MEGF11: variants seen among roughly 807,000 people sequenced by gnomAD.
MEGF11 encodes multiple epidermal growth factor-like domains protein 11.
Under a neutral mutation model 146.6 loss-of-function variants are expected in MEGF11, and 126 were observed. That is an observed-to-expected ratio of 0.86 (90% CI 0.74 to 1.00). The LOEUF is 1.00. Ranked by LOEUF, MEGF11 falls within the 50% of genes least tolerant of loss-of-function variation. MEGF11 has a pLI of 0.00. For missense variants in MEGF11, 1,509 were observed against 1,521.2 expected, an observed-to-expected ratio of 0.99 and a Z score of 0.13; for synonymous variants, 532 against 583.4, an observed-to-expected ratio of 0.91 and a Z score of 1.27.
intron 10 of MEGF11, among the ~76,000 whole-genome samples, chr15:65,934,334 C>G (rs975754629): frequency 1.2e-4 from 19 of 152,326 alleles, no homozygotes; most frequent in African/African-American, 4.6e-4. Flanking sequence ...TCACTGCAAC[C>G]TCCACCTCCC....
intron 5 of MEGF11, among the ~76,000 whole-genome samples, chr15:66,035,784 G>A (rs1416850916): frequency 6.6e-6 from 1 of 152,206 alleles, no homozygotes; most frequent in African/African-American, 2.4e-5. Flanking sequence ...GAGGTAACCA[G>A]CATCCTGGAT....
At chr15:65,993,763 T>C (rs754794249) in intron 5 of MEGF11, among the ~76,000 whole-genome samples, 7 of 152,144 alleles carry the variant, frequency 4.6e-5, no homozygotes, top group Admixed American at 6.6e-5. Flanking sequence ...GCACTGGAAG[T>C]TGTGGGGTCC....
chr15:66,053,234 T>A (rs1364211694), intron 5 of MEGF11, among the ~76,000 whole-genome samples: 1 of 152,232 alleles, frequency 6.6e-6, no homozygotes, highest in Non-Finnish European at 1.5e-5. Flanking sequence ...ATTTTTCATA[T>A]CCTTTGTGTT....
intron 24 of MEGF11, among the ~76,000 whole-genome samples, chr15:65,901,342 T>A (rs954499520): frequency 2.6e-5 from 4 of 151,144 alleles, no homozygotes; most frequent in African/African-American, 4.9e-5. Context: ...TCTAACGTGA[T>A]GAATAACCAC....
chr15:65,916,047 G>A (rs2078986084), intron 18 of MEGF11, 101 bp downstream of exon 18: 1 of 1,397,858 alleles, frequency 7.2e-7, no homozygotes, highest in South Asian at 1.5e-5. Context: ...GGACCAAGGG[G>A]TACAGAGCCC....
chr15:65,960,459 G>T (rs1008543034), intron 9 of MEGF11, among the ~76,000 whole-genome samples: 3 of 152,216 alleles, frequency 2.0e-5, no homozygotes, highest in Non-Finnish European at 2.9e-5. Context: ...GTGCCCCTTG[G>T]TGGCCCTGAC....
intron 5 of MEGF11, among the ~76,000 whole-genome samples, chr15:66,093,789 T>G (rs906268611): frequency 6.6e-6 from 1 of 152,080 alleles, no homozygotes; most frequent in African/African-American, 2.4e-5. Flanking sequence ...CAATGCACCA[T>G]GCCACTGTGG....
chr15:66,202,694 T>C (rs1248301818), intron 1 of MEGF11, among the ~76,000 whole-genome samples: 1 of 152,226 alleles, frequency 6.6e-6, no homozygotes, highest in East Asian at 1.9e-4. Flanking sequence ...GAAACTTCCT[T>C]CGGGCCTCTG....
At chr15:66,141,279 T>TGAGAGA (rs1464004454) in intron 1 of MEGF11, among the ~76,000 whole-genome samples, 2 of 118,822 alleles carry the variant, frequency 1.7e-5, no homozygotes. Flanking sequence ...TGTGTGTGTG[T>TGAGAGA]GTGTGTGTGT....
intron 10 of MEGF11, among the ~76,000 whole-genome samples, chr15:65,949,431 G>A (rs549222884): frequency 6.6e-6 from 1 of 152,324 alleles, no homozygotes; most frequent in Admixed American, 6.5e-5. Context: ...GTGATGGAGT[G>A]CCTGCTCCCC....
At chr15:65,942,136 G>T (rs59177152) in intron 10 of MEGF11, among the ~76,000 whole-genome samples, 2 of 152,238 alleles carry the variant, frequency 1.3e-5, no homozygotes, top group South Asian at 2.1e-4. Flanking sequence ...GAAAGGGAAG[G>T]GGCAACTGAT....
chr15:66,187,592 T>C (rs1052087546), intron 1 of MEGF11, among the ~76,000 whole-genome samples: 2 of 152,224 alleles, frequency 1.3e-5, no homozygotes, highest in African/African-American at 4.8e-5. Context: ...TACGGCAGTC[T>C]TGTGTACTCA....
chr15:65,997,178 GGA>G (rs2082224669), intron 5 of MEGF11, among the ~76,000 whole-genome samples: 1 of 152,228 alleles, frequency 6.6e-6, no homozygotes, highest in South Asian at 2.1e-4. Context: ...TGGTTTCCCT[GGA>G]GAGAGGAGGC....
rs143654226 is a variant in MEGF11, at chr15:66,173,771, C to T, written c.-8-45360G>A. On this transcript the variant is annotated intron_variant, in intron 1 of 25. Transcript: ENST00000395614. ...GCCCTGCGAGCTGTTCACGAAGGGT[C>T]CAACTCACCCTCTACCATCACAGGA... 2.5e-3 allele frequency among the ~76,000 whole-genome samples: 387 copies of T among 152,258 alleles called. 2 individuals are homozygous for T. Among genetic ancestry groups the T allele is most frequent in the African/African-American group, 7.5e-3 (312 of 41,538 alleles).
intron 1 of MEGF11, among the ~76,000 whole-genome samples, chr15:66,211,406 C>CAGGTAGTCA (rs1224676082): frequency 6.6e-6 from 1 of 151,934 alleles, no homozygotes; most frequent in Non-Finnish European, 1.5e-5. Context: ...CACCTGTAGT[C>CAGGTAGTCA]CCAGCTACTC....
chr15:66,122,599 A>G (rs910029760), intron 3 of MEGF11, among the ~76,000 whole-genome samples: 2 of 152,138 alleles, frequency 1.3e-5, no homozygotes, highest in Non-Finnish European at 2.9e-5. Context: ...CTCCCTTACT[A>G]CCTTATTTAC....
chr15:66,229,465 A>AT (rs2091920460), intron 1 of MEGF11, among the ~76,000 whole-genome samples: 2 of 152,190 alleles, frequency 1.3e-5, no homozygotes, highest in South Asian at 4.1e-4. Flanking sequence ...CTGGAAATAC[A>AT]TTTTTTAATG....
chr15:65,914,073 G>C, intron 19 of MEGF11, 100 bp from the exon 20 acceptor site: 1 of 896,208 alleles, frequency 1.1e-6, no homozygotes, highest in South Asian at 1.6e-5. Context: ...AATGTTAGGA[G>C]ATCTGGTTCT....
chr15:65,899,239 G>A (rs1441261932), intron 24 of MEGF11, among the ~76,000 whole-genome samples: 1 of 152,166 alleles, frequency 6.6e-6, no homozygotes, highest in East Asian at 1.9e-4. Context: ...ATTCCTGCAA[G>A]GGTTGCTGAT....
Sources: allele counts gnomAD v4.1 joint callset (sites outside exome capture counted in the v4.1 genomes callset), GRCh38; gene constraint gnomAD v4.1.1; transcripts MANE v1.5; gene names NCBI Gene and HGNC (gene_info 2026-07-23, HGNC 2026-07-21).